The following GABRA2 variants were observed in gnomAD, a reference collection of about 807,000 sequenced individuals.
GABRA2 encodes gamma-aminobutyric acid type A receptor subunit alpha2.
In GABRA2, 16 loss-of-function variants were observed where a neutral mutation model predicts 48.7. That is an observed-to-expected ratio of 0.33 (90% confidence interval 0.22 to 0.50). The LOEUF (loss-of-function observed/expected upper bound fraction) is 0.50. Ranked by LOEUF, GABRA2 falls within the 20% of genes least tolerant of loss-of-function variation. The probability of loss-of-function intolerance (pLI) is 0.98; values close to 1 mark genes in which losing one functional copy is unlikely to be tolerated. For synonymous variants in GABRA2, 185 were observed against 184.5 expected (o/e 1.00, Z -0.02); for missense variants, 275 against 535.6 (o/e 0.51, Z 4.80).
chr4:46,326,214 G>C (rs886340071), intron 4 of GABRA2, among the ~76,000 whole-genome samples: 3 of 151,944 alleles, frequency 2.0e-5, no homozygotes, highest in Admixed American at 1.3e-4. Context: ...AGAAAACCAA[G>C]AAAGCTATGA....
intron 8 of GABRA2, among the ~76,000 whole-genome samples, chr4:46,271,390 A>G (rs923017772): frequency 3.3e-5 from 5 of 152,058 alleles, no homozygotes; most frequent in African/African-American, 9.7e-5. Flanking sequence ...TGCATACTGC[A>G]GCATTAGTAG....
chr4:46,258,239 A>T (rs1253519597), intron 9 of GABRA2, among the ~76,000 whole-genome samples: 1 of 151,826 alleles, frequency 6.6e-6, no homozygotes, highest in Non-Finnish European at 1.5e-5. Context: ...AAAATGCCAG[A>T]AAGAAGTGAT....
At chr4:46,341,201 G>A (rs1197992527) in intron 3 of GABRA2, among the ~76,000 whole-genome samples, 3 of 151,918 alleles carry the variant, frequency 2.0e-5, no homozygotes, top group African/African-American at 7.3e-5. Flanking sequence ...TAAACTTGTT[G>A]ACTAGTAATT....
chr4:46,356,776 T>C (rs1025374732), intron 3 of GABRA2, among the ~76,000 whole-genome samples: 2 of 152,206 alleles, frequency 1.3e-5, no homozygotes, highest in Non-Finnish European at 2.9e-5. Context: ...TCTCACATTT[T>C]ACTGGACATT....
At chr4:46,259,144 A>G (rs1288362622) in intron 9 of GABRA2, among the ~76,000 whole-genome samples, 1 of 151,900 alleles carries the variant, frequency 6.6e-6, no homozygotes, top group African/African-American at 2.4e-5. Context: ...AACAGGTTTG[A>G]GAAAGCAAGA....
chr4:46,245,851 CATT>C lies in GABRA2; in HGVS notation c.*4454_*4456del, dbSNP rs1407909535. The stretch of plus-strand genomic sequence containing the variant: ...AGGTAATGTTATGTATTAAATACAT[CATT>C]GAGTAGTTTGAGGTGGGACGTATAA... On this transcript the variant is annotated 3_prime_UTR_variant, in exon 10 of 10. Coordinates refer to ENST00000381620, the MANE Select transcript of GABRA2 (RefSeq NM_000807.4). Among the ~76,000 whole-genome samples the C allele has an allele frequency of 6.6e-6, 1 of 151,020 alleles. No homozygotes were observed.
intron 3 of GABRA2, among the ~76,000 whole-genome samples, chr4:46,336,047 T>C (rs988960033): frequency 1.3e-4 from 20 of 152,174 alleles, no homozygotes; most frequent in Non-Finnish European, 2.5e-4. Flanking sequence ...GTGTTTGGTC[T>C]GTCTCCCCAT....
intron 3 of GABRA2, among the ~76,000 whole-genome samples, chr4:46,371,595 A>ATT (rs34134972): frequency 6.6e-6 from 1 of 151,688 alleles, no homozygotes; most frequent in Non-Finnish European, 1.5e-5. Context: ...ATAGATATAG[A>ATT]TTTTTTTTAC....
chr4:46,337,046 A>G (rs756972592), intron 3 of GABRA2, among the ~76,000 whole-genome samples: 5 of 152,178 alleles, frequency 3.3e-5, no homozygotes, highest in Non-Finnish European at 5.9e-5. Context: ...TTGATGTTCA[A>G]TTATGATTTA....
chr4:46,303,696 A>C, intron 7 of GABRA2, 84 bp from the exon 8 acceptor site: 1 of 1,224,354 alleles, frequency 8.2e-7, no homozygotes, highest in Non-Finnish European at 1.2e-6. Flanking sequence ...AGGTAGAACA[A>C]AAACTGATTT....
intron 3 of GABRA2, among the ~76,000 whole-genome samples, chr4:46,374,752 C>T (rs1715432078): frequency 6.6e-6 from 1 of 151,854 alleles, no homozygotes; most frequent in African/African-American, 2.4e-5. Flanking sequence ...TCAGAAGGGA[C>T]ATCTTACTTT....
chr4:46,271,710 A>T (rs189015245), intron 8 of GABRA2, among the ~76,000 whole-genome samples: 1 of 152,106 alleles, frequency 6.6e-6, no homozygotes, highest in Non-Finnish European at 1.5e-5. Flanking sequence ...TAATGTGGAC[A>T]ACACTGTTGA....
At chr4:46,315,382 AATT>A (rs1427131929) in intron 4 of GABRA2, among the ~76,000 whole-genome samples, 4 of 151,884 alleles carry the variant, frequency 2.6e-5, no homozygotes, top group Admixed American at 6.6e-5. Context: ...TTGTTTCCAG[AATT>A]ATTATTTATC....
At chr4:46,322,011 C>T (rs1184088292) in intron 4 of GABRA2, among the ~76,000 whole-genome samples, 7 of 152,042 alleles carry the variant, frequency 4.6e-5, no homozygotes, top group Non-Finnish European at 2.9e-5. Flanking sequence ...ACCAACCATA[C>T]AAACGGCATA....
chr4:46,370,764 A>G lies in GABRA2; in HGVS notation c.187+15310T>C, dbSNP rs565118243. Among the ~76,000 whole-genome samples, 13 of 152,200 alleles carry G rather than the reference A, an allele frequency of 8.5e-5. No individual in the cohort carries two copies. The South Asian group carries it at 2.7e-3, about 32-fold the overall frequency. ...TCCTTCCAGACTGGACAGACCTTAG[A>G]GGTTTGCAGCCTTATTCTGCTAGCT... On this transcript the variant is annotated intron_variant, in intron 3 of 9. Coordinates refer to ENST00000381620, the MANE Select transcript of GABRA2 (RefSeq NM_000807.4).
At chr4:46,284,821 T>A (rs1353305591) in intron 8 of GABRA2, among the ~76,000 whole-genome samples, 1 of 151,912 alleles carries the variant, frequency 6.6e-6, no homozygotes, top group Non-Finnish European at 1.5e-5. Context: ...AATTAAAAAA[T>A]TAAAGAGTAG....
intron 3 of GABRA2, among the ~76,000 whole-genome samples, chr4:46,354,094 T>C (rs1270617232): frequency 6.6e-6 from 1 of 152,176 alleles, no homozygotes; most frequent in East Asian, 1.9e-4. Flanking sequence ...CTAAGTATTT[T>C]GCACACATTA....
chr4:46,349,430 T>C (rs1423920155), intron 3 of GABRA2, among the ~76,000 whole-genome samples: 3 of 151,994 alleles, frequency 2.0e-5, no homozygotes, highest in Non-Finnish European at 4.4e-5. Flanking sequence ...TTAGTATAAT[T>C]TACATGTAGG....
At chr4:46,265,398 T>TA (rs1282762946) in intron 8 of GABRA2, among the ~76,000 whole-genome samples, 1,905 of 127,598 alleles carry the variant, frequency 0.015, 70 homozygotes, top group African/African-American at 0.056. Context: ...ATATATATAA[T>TA]ATATTGTGTA....
Sources: allele counts gnomAD v4.1 joint callset (sites outside exome capture counted in the v4.1 genomes callset), GRCh38; gene constraint gnomAD v4.1.1; transcripts MANE v1.5; gene names NCBI Gene and HGNC (gene_info 2026-07-23, HGNC 2026-07-21).